ITGAE: variants seen among roughly 807,000 people sequenced by gnomAD.
ITGAE encodes the protein integrin subunit alpha E, also known as integrin alpha-E.
ITGAE carries 99 observed loss-of-function variants against 136.5 expected under a neutral mutation model. The observed-to-expected ratio is 0.73, with a 90% CI of 0.62 to 0.86. The LOEUF (loss-of-function observed/expected upper bound fraction) is 0.86. Ranked by LOEUF, ITGAE falls within the 40% of genes least tolerant of loss-of-function variation. The pLI, the probability that ITGAE is intolerant of heterozygous loss-of-function variation, is 0.00. For synonymous variants in ITGAE, 613 were observed against 591.8 expected, an observed-to-expected ratio of 1.04 and a Z score of -0.52; for missense variants, 1,447 against 1,515.3, an observed-to-expected ratio of 0.95 and a Z score of 0.75.
intron 16 of ITGAE, 133 bp from the exon 17 acceptor site, chr17:3,748,185 T>A: frequency 4.7e-6 from 4 of 850,636 alleles, no homozygotes; most frequent in Non-Finnish European, 6.9e-6. Context: ...AGTCTCAGGG[T>A]ACAGTGGGGA....
At chr17:3,730,979 G>A (rs1158976759) in intron 23 of ITGAE, 125 bp downstream of exon 23, 2 of 661,698 alleles carry the variant, frequency 3.0e-6, no homozygotes, top group East Asian at 2.6e-5. Context: ...TGCCTTCTGT[G>A]GGCTCACTGG....
chr17:3,777,400 T>C (rs1317868641), intron 2 of ITGAE, 140 bp downstream of exon 2: 7 of 1,159,060 alleles, frequency 6.0e-6, no homozygotes, highest in Non-Finnish European at 8.5e-6. Flanking sequence ...CTCTTTCTCC[T>C]GCATGCCCTT....
intron 30 of ITGAE, among the ~76,000 whole-genome samples, chr17:3,715,927 C>T (rs929282483): frequency 7.3e-5 from 11 of 151,404 alleles, no homozygotes; most frequent in Admixed American, 1.3e-4. Flanking sequence ...GAGGCCGAGG[C>T]GGGAGGATCA....
intron 1 of ITGAE, among the ~76,000 whole-genome samples, chr17:3,788,097 T>C (rs1020566762): frequency 1.1e-4 from 16 of 152,328 alleles, no homozygotes; most frequent in African/African-American, 3.8e-4. Flanking sequence ...GCCTTTTTCT[T>C]ATTGATTTGT....
chr17:3,751,873 T>G lies in ITGAE; in HGVS notation c.1670A>C (p.Asp557Ala). ...TATGCGTGCCAAGGAGAAAGAACCA[T>G]CCTGTAAAGCAAACAAACAGCTCAG... ...RVYVYRLSEQ[D>A]GSFSLARILS... The change falls in exon 15 of 31, where the codon GAT becomes GCT. Residue 557 changes from aspartate (D) to alanine (A), a missense_variant and splice_region_variant. Transcript: ENST00000263087. 1 of 1,613,184 alleles carries G rather than the reference T, an allele frequency of 6.2e-7. No individual in the cohort carries two copies. The highest frequency in any genetic ancestry group is 8.5e-7 in the Non-Finnish European group (1 of 1,179,342).
intron 19 of ITGAE, 115 bp downstream of exon 19, chr17:3,743,374 A>G: frequency 1.6e-6 from 2 of 1,239,910 alleles, no homozygotes. Flanking sequence ...AGGGGCCCAA[A>G]TGCCGTCTGA....
intron 2 of ITGAE, among the ~76,000 whole-genome samples, chr17:3,768,932 C>T (rs2052358346): frequency 6.6e-6 from 1 of 152,212 alleles, no homozygotes; most frequent in African/African-American, 2.4e-5. Flanking sequence ...GGGGGCTCAT[C>T]TGGGGCAGGG....
chr17:3,758,718 C>T (rs1188318218), intron 8 of ITGAE, among the ~76,000 whole-genome samples: 1 of 151,256 alleles, frequency 6.6e-6, no homozygotes, highest in Admixed American at 6.6e-5. Context: ...TCCCAAAGTG[C>T]TGGGATTACA....
Position 3,780,847 on chromosome 17 carries a change from C to T in ITGAE, c.35-3187G>A, listed in dbSNP as rs144377873. ...TCTCAAGTAGCTGGGACCACAGATG[C>T]GCACCAGCAGGCCTGGCTAATTTTT... On this transcript the variant is annotated intron_variant, in intron 1 of 30. Coordinates refer to ENST00000263087, the MANE Select transcript of ITGAE (RefSeq NM_002208.5). Among the ~76,000 whole-genome samples, 393 of 152,122 alleles carry T rather than the reference C, an allele frequency of 2.6e-3. 1 individual carries two copies. The highest frequency in any genetic ancestry group is 7.2e-3 in the African/African-American group (300 of 41,490).
At chr17:3,780,398 CGT>C (rs1167031281) in intron 1 of ITGAE, among the ~76,000 whole-genome samples, 1 of 151,844 alleles carries the variant, frequency 6.6e-6, no homozygotes, top group East Asian at 1.9e-4. Context: ...CTCCTGACCT[CGT>C]GATCCGCCCA....
chr17:3,732,747 G>A (rs1404187964), intron 21 of ITGAE, among the ~76,000 whole-genome samples: 2 of 152,136 alleles, frequency 1.3e-5, no homozygotes, highest in Non-Finnish European at 2.9e-5. Flanking sequence ...TTCCAACTCG[G>A]AGGAATTCGT....
rs771013033 is a variant in ITGAE at position 3,757,069 on chromosome 17, A to T, written c.1086T>A (p.Asp362Glu). Residue 362 changes from aspartate (D) to glutamate (E), a missense_variant, in exon 10 of 31, where the codon GAT becomes GAA. Coordinates refer to ENST00000263087, the MANE Select transcript of ITGAE (RefSeq NM_002208.5). ...TGGTCACCTTGAAAGCATGGGTCTC[A>T]TCCGGGTCTGAGGCGATCAGGTTCA... is the stretch of plus-strand genomic sequence containing the variant. ...RELNLIASDP[D>E]ETHAFKVTNY... 2 of 1,613,322 alleles carry T rather than the reference A, an allele frequency of 1.2e-6. No homozygotes were observed. Among genetic ancestry groups the T allele is most frequent in the South Asian group, 2.2e-5 (2 of 91,070 alleles).
chr17:3,748,524 T>C (rs894740379), intron 16 of ITGAE, among the ~76,000 whole-genome samples: 19 of 151,976 alleles, frequency 1.3e-4, no homozygotes, highest in Admixed American at 1.2e-3. Context: ...GAGGCGGAGG[T>C]TGCAGTGAGC....
intron 29 of ITGAE, chr17:3,718,356 C>A (rs2050981572): frequency 2.0e-5 from 3 of 152,226 alleles, no homozygotes; most frequent in Admixed American, 2.0e-4. Flanking sequence ...TTGTATCCTG[C>A]CATGTGAAAA....
intron 1 of ITGAE, 85 bp downstream of exon 1, chr17:3,801,022 GAGAC>G (rs1403159295): frequency 2.4e-5 from 35 of 1,457,266 alleles, no homozygotes; most frequent in African/African-American, 4.2e-5. Flanking sequence ...AGCCCCATCA[GAGAC>G]AGACAGTCAA....
At chr17:3,756,792 C>G (rs1254637894) in intron 10 of ITGAE, among the ~76,000 whole-genome samples, 192 bp downstream of exon 10, 1 of 152,232 alleles carries the variant, frequency 6.6e-6, no homozygotes, top group Non-Finnish European at 1.5e-5. Flanking sequence ...ATCCACCTGC[C>G]TCTGTCTCCC....
chr17:3,756,457 A>C (rs1167652815), intron 10 of ITGAE, among the ~76,000 whole-genome samples: 1 of 141,832 alleles, frequency 7.1e-6, no homozygotes, highest in African/African-American at 2.7e-5. Context: ...CCTGGAGTGC[A>C]GTGGCGCGAT....
intron 1 of ITGAE, among the ~76,000 whole-genome samples, chr17:3,788,498 C>T (rs2052853537): frequency 7.7e-6 from 1 of 130,650 alleles, no homozygotes; most frequent in Non-Finnish European, 1.6e-5. Flanking sequence ...CGAGGTTTCA[C>T]TGTGTTGTTC....
At chr17:3,735,061 ACGGCTCACCGCAGCCTCCACTT>A in intron 20 of ITGAE, 112 bp from the exon 21 acceptor site, 1 of 1,204,186 alleles carries the variant, frequency 8.3e-7, no homozygotes, top group Non-Finnish European at 1.2e-6. Flanking sequence ...TGCAATGATC[ACGGCTCACCGCAGCCTCCACTT>A]CCTGGGTTCA....
Sources: allele counts gnomAD v4.1 joint callset (sites outside exome capture counted in the v4.1 genomes callset), GRCh38; gene constraint gnomAD v4.1.1; transcripts MANE v1.5; gene names NCBI Gene and HGNC (gene_info 2026-07-23, HGNC 2026-07-21).